LAMA3: variants seen among roughly 807,000 people sequenced by gnomAD.
LAMA3 encodes the protein laminin subunit alpha-3.
A neutral mutation model predicts 402.0 loss-of-function variants in LAMA3; 281 were observed. The ratio of observed to expected loss-of-function variants is 0.70; its 90% CI spans 0.63 to 0.77. The LOEUF (loss-of-function observed/expected upper bound fraction) is 0.77, where lower values mean the gene tolerates loss of function less well. Among genes scored for constraint, LAMA3 ranks in the 30% least tolerant of loss-of-function variants. The pLI is 0.00. For synonymous variants in LAMA3, 1,431 were observed against 1,558.4 expected, an observed-to-expected ratio of 0.92 and a Z score of 1.93; for missense variants, 3,840 against 4,215.5, an observed-to-expected ratio of 0.91 and a Z score of 2.47.
chr18:23,889,391 A>G (rs1194035638), intron 41 of LAMA3, among the ~76,000 whole-genome samples: 1 of 151,996 alleles, frequency 6.6e-6, no homozygotes, highest in Non-Finnish European at 1.5e-5. Flanking sequence ...GCAAGACCTC[A>G]TCTCTACTAA....
intron 40 of LAMA3, among the ~76,000 whole-genome samples, chr18:23,884,346 T>C (rs2065001178): frequency 2.0e-5 from 3 of 152,158 alleles, no homozygotes; most frequent in Admixed American, 6.5e-5. Flanking sequence ...CAGAAGGCAA[T>C]GTGCCTGATA....
At chr18:23,743,100 A>G (rs1368571659) in intron 2 of LAMA3, among the ~76,000 whole-genome samples, 1 of 152,250 alleles carries the variant, frequency 6.6e-6, no homozygotes, top group Non-Finnish European at 1.5e-5. Flanking sequence ...TGGGAATGAC[A>G]GATGAAAACA....
chr18:23,748,314 G>A (rs1050134633), intron 3 of LAMA3, among the ~76,000 whole-genome samples: 3 of 151,050 alleles, frequency 2.0e-5, no homozygotes, highest in South Asian at 2.1e-4. Context: ...CCAGCTACTC[G>A]GGAGGCTGAG....
chr18:23,706,514 T>C (rs2060892291), intron 1 of LAMA3, among the ~76,000 whole-genome samples: 1 of 152,194 alleles, frequency 6.6e-6, no homozygotes, highest in African/African-American at 2.4e-5. Context: ...AATATTGCAT[T>C]GTGGTCTGCC....
intron 68 of LAMA3, among the ~76,000 whole-genome samples, chr18:23,940,196 G>T (rs2082449759): frequency 2.0e-5 from 3 of 152,210 alleles, no homozygotes; most frequent in African/African-American, 4.8e-5. Context: ...CCCGCAGATG[G>T]CTGTGGGCCT....
chr18:23,862,651 A>AT (rs2064251097), intron 35 of LAMA3, among the ~76,000 whole-genome samples: 1 of 152,176 alleles, frequency 6.6e-6, no homozygotes, highest in African/African-American at 2.4e-5. Context: ...CTTTACCGCT[A>AT]TATGACGGGC....
At chr18:23,898,922 A>C in intron 45 of LAMA3, 32 bp from the exon 46 acceptor site, 1 of 1,592,590 alleles carries the variant, frequency 6.3e-7, no homozygotes, top group Non-Finnish European at 8.6e-7. Context: ...TATTGACTTA[A>C]TTTGCTGCTA....
At chr18:23,902,505 G>A (rs939457154) in intron 48 of LAMA3, among the ~76,000 whole-genome samples, 3 of 152,160 alleles carry the variant, frequency 2.0e-5, no homozygotes, top group Admixed American at 1.3e-4. Context: ...AAGCCTCTTT[G>A]GATAGTACCA....
chr18:23,932,461 C>A, intron 66 of LAMA3, 170 bp downstream of exon 66: 1 of 679,810 alleles, frequency 1.5e-6, no homozygotes, highest in Non-Finnish European at 2.4e-6. Flanking sequence ...TTAAAAAACC[C>A]ATAAAAAACT....
At chr18:23,878,210 GTT>G (rs934883621) in intron 39 of LAMA3, among the ~76,000 whole-genome samples, 3 of 152,172 alleles carry the variant, frequency 2.0e-5, no homozygotes, top group Non-Finnish European at 2.9e-5. Context: ...CAAAGGGAGG[GTT>G]TTTTTCTGTA....
Position 23,794,781 on chromosome 18 carries a change from C to T in LAMA3, c.1603+10624C>T, listed in dbSNP as rs916595072. ...AATTGTCTAACAGTCAGTTGCATCT[C>T]CATGTGGCTTCATTTACCATGGCTT... is the stretch of plus-strand genomic sequence containing the variant. On this transcript the variant is annotated intron_variant, in intron 12 of 74. Coordinates refer to ENST00000313654, the MANE Select transcript of LAMA3 (RefSeq NM_198129.4). 2.6e-5 allele frequency among the ~76,000 whole-genome samples: 4 copies of T among 152,254 alleles called. 1 individual carries two copies. The South Asian group carries it at 6.2e-4, about 24-fold the overall frequency.
chr18:23,951,933 C>T (rs139976026), intron 73 of LAMA3, among the ~76,000 whole-genome samples, 156 bp downstream of exon 73: 1 of 152,234 alleles, frequency 6.6e-6, no homozygotes, highest in African/African-American at 2.4e-5. Context: ...CCCAGCCATG[C>T]TTCCGTCACT....
At chr18:23,737,426 T>C (rs1363247077) in intron 2 of LAMA3, among the ~76,000 whole-genome samples, 2 of 152,196 alleles carry the variant, frequency 1.3e-5, no homozygotes, top group East Asian at 1.9e-4. Flanking sequence ...TGACCTTTCA[T>C]AGCCCCCCTG....
chr18:23,689,755 G>T lies in LAMA3; in HGVS notation c.72G>T (p.Leu24=). Residue 24 remains leucine, a synonymous_variant, in exon 1 of 75, where the codon CTG becomes CTT. Coordinates refer to ENST00000313654, the MANE Select transcript of LAMA3 (RefSeq NM_198129.4). ...TGCCGCCGACGCCGCTGCTCCTGCT[G>T]GTACTGCGGGTGCTGCCAGCCTGCG... ...PVLPPTPLLL[L]VLRVLPACGA... 6.6e-7 allele frequency: 1 copy of T among 1,519,984 alleles called. No individual in the cohort carries two copies. 94.2% of individuals were successfully genotyped at this position (1,519,984 alleles called of 1,614,324 possible).
intron 60 of LAMA3, among the ~76,000 whole-genome samples, chr18:23,920,139 C>T (rs1431567493): frequency 6.6e-6 from 1 of 152,180 alleles, no homozygotes; most frequent in Non-Finnish European, 1.5e-5. Flanking sequence ...GTGCCCTGCA[C>T]ACGTGCATGC....
chr18:23,713,515 T>G (rs1270236858), intron 1 of LAMA3, among the ~76,000 whole-genome samples: 1 of 152,236 alleles, frequency 6.6e-6, no homozygotes, highest in East Asian at 1.9e-4. Context: ...GGATCTTTTT[T>G]GTACCCCAGT....
rs2081352196 is a variant in LAMA3 at position 23,909,165 on chromosome 18, C to G, written c.7028C>G (p.Thr2343Ser). 6.2e-7 allele frequency: 1 copy of G among 1,613,800 alleles called. No individual in the cohort carries two copies. The highest frequency in any genetic ancestry group is 1.3e-5 in the African/African-American group (1 of 74,886). ...TDADNSVNKL[T>S]NKLPDLWRKI... ...TTCTCACCAACAGTGAATAAGTTAA[C>G]CAACAAACTACCTGATCTTTGGCGC... The change falls in exon 55 of 75, where the codon ACC (threonine) becomes AGC (serine). Residue 2343 changes from threonine (T) to serine (S), a missense_variant. Coordinates refer to ENST00000313654, the MANE Select transcript of LAMA3 (RefSeq NM_198129.4).
intron 2 of LAMA3, among the ~76,000 whole-genome samples, chr18:23,737,578 G>T (rs2061496478): frequency 1.3e-5 from 2 of 152,218 alleles, no homozygotes; most frequent in Admixed American, 6.5e-5. Context: ...GTTCACCTGG[G>T]ATGTGCCTTC....
rs1038577020 is a variant in LAMA3 at position 23,758,313 on chromosome 18, G to C, written c.948-83G>C. The C allele has an allele frequency of 5.4e-6, 5 of 924,698 alleles. No homozygotes were observed. In the African/African-American group the frequency reaches 6.5e-5, roughly 12 times the overall value. The allele number at this position is 924,698 out of a possible 1,614,324, so 57.3% of individuals were successfully genotyped here. On this transcript the variant is annotated intron_variant, in intron 6 of 74. Coordinates refer to ENST00000313654, the MANE Select transcript of LAMA3 (RefSeq NM_198129.4). ...GTGCCGTGGATGACCGTGATGACTC[G>C]TGTGTCAGGTTCGCACTATAGGATC...
Sources: gnomAD v4.1 joint callset for allele counts (sites outside exome capture counted in the v4.1 genomes callset) on GRCh38, gnomAD v4.1.1 for gene constraint, MANE v1.5 for transcripts, NCBI Gene and HGNC (gene_info 2026-07-23, HGNC 2026-07-21) for gene names.